Variants in FILIP1L observed in about 807,000 individuals in gnomAD.
FILIP1L encodes filamin A interacting protein 1 like, also known as filamin A-interacting protein 1-like.
FILIP1L carries 55 observed loss-of-function variants against 96.6 expected under a neutral mutation model. The observed-to-expected ratio is 0.57, with a 90% CI of 0.46 to 0.71. The LOEUF is 0.71. Ranked by LOEUF, FILIP1L falls within the 30% of genes least tolerant of loss-of-function variation. FILIP1L has a pLI of 0.00. For missense variants in FILIP1L, 1,304 were observed against 1,321.2 expected, an observed-to-expected ratio of 0.99 and a Z score of 0.20; for synonymous variants, 467 against 473.9, an observed-to-expected ratio of 0.99 and a Z score of 0.19.
At chr3:99,838,640 A>T (rs1942995158) in intron 5 of FILIP1L, among the ~76,000 whole-genome samples, 1 of 152,162 alleles carries the variant, frequency 6.6e-6, no homozygotes, top group Non-Finnish European at 1.5e-5. Flanking sequence ...ACCCCTTGCA[A>T]CTCAGTGTGT....
intron 1 of FILIP1L, among the ~76,000 whole-genome samples, chr3:99,970,049 G>A (rs932716519): frequency 1.3e-5 from 2 of 152,152 alleles, no homozygotes; most frequent in African/African-American, 4.8e-5. Flanking sequence ...CTTAAAATTT[G>A]GATAAGCCAT....
intron 1 of FILIP1L, among the ~76,000 whole-genome samples, chr3:100,069,987 T>A (rs1005973093): frequency 1.3e-5 from 2 of 152,236 alleles, no homozygotes; most frequent in Non-Finnish European, 2.9e-5. Context: ...TTTTTCCTTT[T>A]ATTTCAAACA....
At chr3:100,071,306 A>C (rs1180139402) in intron 1 of FILIP1L, among the ~76,000 whole-genome samples, 1 of 152,130 alleles carries the variant, frequency 6.6e-6, no homozygotes, top group African/African-American at 2.4e-5. Context: ...AAACTTGTAC[A>C]TCAAGAAGAC....
intron 1 of FILIP1L, among the ~76,000 whole-genome samples, chr3:100,049,732 G>C (rs1206878907): frequency 6.6e-6 from 1 of 152,156 alleles, no homozygotes; most frequent in African/African-American, 2.4e-5. Context: ...TTAACAAATA[G>C]TAAATGTACT....
At chr3:100,110,722 GT>G (rs1488320875) in intron 1 of FILIP1L, among the ~76,000 whole-genome samples, 5 of 152,080 alleles carry the variant, frequency 3.3e-5, no homozygotes, top group African/African-American at 1.2e-4. Context: ...TCCATTACCT[GT>G]GCTTACCATT....
chr3:99,979,338 C>G (rs1576616077), intron 1 of FILIP1L, among the ~76,000 whole-genome samples: 1 of 152,118 alleles, frequency 6.6e-6, no homozygotes, highest in African/African-American at 2.4e-5. Flanking sequence ...AGATAAAAAG[C>G]TTGTCTGTAT....
intron 1 of FILIP1L, among the ~76,000 whole-genome samples, chr3:100,061,019 G>T (rs999205845): frequency 1.3e-5 from 2 of 152,004 alleles, no homozygotes; most frequent in Admixed American, 1.3e-4. Context: ...CCACACACAA[G>T]AAACCACACC....
At chr3:99,879,838 C>T (rs993403700) in intron 4 of FILIP1L, among the ~76,000 whole-genome samples, 3 of 152,090 alleles carry the variant, frequency 2.0e-5, no homozygotes, top group Non-Finnish European at 4.4e-5. Flanking sequence ...TGGACCTGGT[C>T]CTGTATAAGA....
In FILIP1L at chr3:99,925,919, A is replaced by T. The variant is rs528999499; in HGVS notation, c.427-1511T>A. ...GCCCAGCACGGGGTAAGCTGCCACCAGAAAAACATGTTGGCAAGAGCTAAC... is the reference window on the plus strand; with the variant it reads ...GCCCAGCACGGGGTAAGCTGCCACCTGAAAAACATGTTGGCAAGAGCTAAC... On this transcript the variant is annotated intron_variant, in intron 3 of 5. Coordinates refer to ENST00000477258, the MANE Select transcript of FILIP1L (RefSeq NM_001387850.1). 2.3e-5 allele frequency: 23 copies of T among 982,762 alleles called. No homozygotes were observed. The African/African-American group carries it at 3.7e-4, about 16-fold the overall frequency. The allele number at this position is 982,762 out of a possible 1,614,324, so 60.9% of individuals were successfully genotyped here. A position where few individuals can be genotyped will look rare whatever the true frequency, so the allele number is the denominator to read the frequency against.
intron 1 of FILIP1L, among the ~76,000 whole-genome samples, chr3:99,995,527 C>A (rs1709652927): frequency 6.6e-6 from 1 of 152,184 alleles, no homozygotes; most frequent in African/African-American, 2.4e-5. Context: ...CTTCTCACAG[C>A]TCCACTAGGC....
At chr3:99,837,744 T>G (rs1333092521) in intron 5 of FILIP1L, among the ~76,000 whole-genome samples, 2 of 152,260 alleles carry the variant, frequency 1.3e-5, no homozygotes, top group Admixed American at 1.3e-4. Flanking sequence ...GCCAGTCTTA[T>G]TAAGTTACAG....
At chr3:99,915,045 A>T (rs746251665) in intron 4 of FILIP1L, among the ~76,000 whole-genome samples, 4 of 152,132 alleles carry the variant, frequency 2.6e-5, no homozygotes, top group Non-Finnish European at 5.9e-5. Flanking sequence ...CCCTTTTAGG[A>T]TCATTTTTTT....
intron 4 of FILIP1L, among the ~76,000 whole-genome samples, chr3:99,865,612 A>G (rs531402762): frequency 6.6e-6 from 1 of 152,292 alleles, no homozygotes; most frequent in African/African-American, 2.4e-5. Context: ...TGACTTTGCC[A>G]GTAATAACAT....
At chr3:99,933,977 T>C (rs1332964162) in intron 1 of FILIP1L, among the ~76,000 whole-genome samples, 1 of 152,212 alleles carries the variant, frequency 6.6e-6, no homozygotes, top group Non-Finnish European at 1.5e-5. Context: ...CTTACAGCTA[T>C]TCTGGGCCTG....
chr3:99,988,426 C>G (rs1459965791), intron 1 of FILIP1L, among the ~76,000 whole-genome samples: 1 of 144,786 alleles, frequency 6.9e-6, no homozygotes, highest in South Asian at 2.2e-4. Flanking sequence ...ACAGGAGAAT[C>G]GCTTGAATGT....
chr3:100,044,443 T>C (rs1216487734), intron 1 of FILIP1L, among the ~76,000 whole-genome samples: 1 of 151,810 alleles, frequency 6.6e-6, no homozygotes, highest in East Asian at 1.9e-4. Context: ...AAAGAATGAG[T>C]AGGAGTTAGC....
intron 5 of FILIP1L, among the ~76,000 whole-genome samples, chr3:99,831,827 AGGT>A (rs1942678151): frequency 6.6e-6 from 1 of 152,242 alleles, no homozygotes; most frequent in Admixed American, 6.5e-5. Flanking sequence ...TCTTCAACTC[AGGT>A]GGTTGGCCTA....
intron 1 of FILIP1L, among the ~76,000 whole-genome samples, chr3:100,010,778 A>ATT (rs11371196): frequency 0.056 from 5,216 of 93,652 alleles, 245 homozygotes; most frequent in Non-Finnish European, 0.061. Context: ...CCACGCCCGG[A>ATT]TTTTTTTTTT....
chr3:100,098,227 A>G (rs917013577), intron 1 of FILIP1L, among the ~76,000 whole-genome samples: 3 of 152,198 alleles, frequency 2.0e-5, no homozygotes. Flanking sequence ...AAAACAAACT[A>G]CACGGTACCT....
Sources: allele counts gnomAD v4.1 joint callset (sites outside exome capture counted in the v4.1 genomes callset), GRCh38; gene constraint gnomAD v4.1.1; transcripts MANE v1.5; gene names NCBI Gene and HGNC (gene_info 2026-07-23, HGNC 2026-07-21).